PEAK1: variants seen among roughly 807,000 people sequenced by gnomAD.
The protein encoded by PEAK1 is inactive tyrosine-protein kinase PEAK1.
A neutral mutation model predicts 124.7 loss-of-function variants in PEAK1; 54 were observed. The observed-to-expected ratio is 0.43, with a 90% CI of 0.35 to 0.54. The LOEUF is 0.54. PEAK1 is among the 20% of genes least tolerant of loss of function. The probability of loss-of-function intolerance (pLI) is 0.01; values close to 1 mark genes in which losing one functional copy is unlikely to be tolerated. For synonymous variants in PEAK1, 719 were observed against 760.0 expected, an observed-to-expected ratio of 0.95 and a Z score of 0.89; for missense variants, 2,046 against 2,134.5, an observed-to-expected ratio of 0.96 and a Z score of 0.82.
chr15:77,333,404 G>C (rs2066008952), intron 2 of PEAK1: 2 of 977,092 alleles, frequency 2.0e-6, no homozygotes, highest in African/African-American at 3.5e-5. Context: ...TAACTGAGTA[G>C]AAGTCTGGGT....
chr15:77,324,678 G>T (rs754569950), intron 2 of PEAK1, among the ~76,000 whole-genome samples: 2 of 152,214 alleles, frequency 1.3e-5, no homozygotes, highest in African/African-American at 2.4e-5. Flanking sequence ...GAAGGCAAAG[G>T]GGGAGGAGGC....
intron 2 of PEAK1, among the ~76,000 whole-genome samples, chr15:77,310,078 A>G (rs531519661): frequency 6.6e-6 from 1 of 152,282 alleles, no homozygotes; most frequent in East Asian, 1.9e-4. Context: ...AAGGAAGACA[A>G]TCTCTTATGT....
rs533565272 is a variant in PEAK1 at position 77,359,018 on chromosome 15, C to G, written c.-603+6145G>C. Among the ~76,000 whole-genome samples the G allele has an allele frequency of 3.3e-5, 5 of 152,246 alleles. No individual in the cohort carries two copies. In the South Asian group the frequency reaches 1.0e-3, roughly 32 times the overall value. On this transcript the variant is annotated intron_variant, in intron 2 of 9. Transcript: ENST00000682557. The stretch of plus-strand genomic sequence containing the variant: ...AAGCGTTATCTCATATACTTTCTGA[C>G]AAAAACATTCAACAAACTATGACTA...
chr15:77,183,279 T>C (rs2057375814), intron 6 of PEAK1, among the ~76,000 whole-genome samples: 1 of 152,192 alleles, frequency 6.6e-6, no homozygotes, highest in African/African-American at 2.4e-5. Flanking sequence ...TGTGCTACAA[T>C]GGAGAGATGA....
chr15:77,322,198 C>CT (rs1246818192), intron 2 of PEAK1, among the ~76,000 whole-genome samples: 1 of 152,130 alleles, frequency 6.6e-6, no homozygotes, highest in African/African-American at 2.4e-5. Flanking sequence ...AATTGACACT[C>CT]TAACATCACA....
At chr15:77,329,596 A>T (rs923064991) in intron 2 of PEAK1, among the ~76,000 whole-genome samples, 2 of 152,198 alleles carry the variant, frequency 1.3e-5, no homozygotes, top group Non-Finnish European at 2.9e-5. Context: ...CAGAGGAAAA[A>T]AATCATATTT....
intron 1 of PEAK1, among the ~76,000 whole-genome samples, chr15:77,381,986 T>A (rs758787624): frequency 6.6e-6 from 1 of 152,204 alleles, no homozygotes; most frequent in Non-Finnish European, 1.5e-5. Context: ...CTTCATATTT[T>A]CTCTGCCTTT....
At chr15:77,269,977 G>A (rs1032136445) in intron 5 of PEAK1, among the ~76,000 whole-genome samples, 14 of 152,128 alleles carry the variant, frequency 9.2e-5, no homozygotes, top group African/African-American at 2.7e-4. Flanking sequence ...GTAGTTGAGC[G>A]GTTTTGAGTG....
At chr15:77,135,629 G>A (rs534172910) in intron 8 of PEAK1, among the ~76,000 whole-genome samples, 1 of 152,300 alleles carries the variant, frequency 6.6e-6, no homozygotes, top group Non-Finnish European at 1.5e-5. Flanking sequence ...TTGTGGGAGG[G>A]ACCCAGTGGG....
At chr15:77,412,407 AT>A (rs2072486801) in intron 1 of PEAK1, among the ~76,000 whole-genome samples, 1 of 152,190 alleles carries the variant, frequency 6.6e-6, no homozygotes, top group South Asian at 2.1e-4. Flanking sequence ...CCTCATTTCT[AT>A]TAATGACAAC....
intron 6 of PEAK1, among the ~76,000 whole-genome samples, chr15:77,187,287 A>G (rs937119387): frequency 3.3e-5 from 5 of 152,356 alleles, no homozygotes; most frequent in South Asian, 2.1e-4. Context: ...AAGCTATTCA[A>G]GAGTGGCCTA....
At chr15:77,236,429 C>G (rs530584892) in intron 6 of PEAK1, among the ~76,000 whole-genome samples, 1 of 152,308 alleles carries the variant, frequency 6.6e-6, no homozygotes, top group East Asian at 1.9e-4. Context: ...TTGCATGAGG[C>G]CTATAGTCCC....
chr15:77,331,053 T>C (rs561051733), intron 2 of PEAK1: 2 of 844,562 alleles, frequency 2.4e-6, no homozygotes, highest in Non-Finnish European at 2.9e-6. Context: ...TTCCTAATTA[T>C]TGCATAGCAT....
intron 6 of PEAK1, among the ~76,000 whole-genome samples, chr15:77,224,490 T>C (rs982411180): frequency 2.0e-5 from 3 of 152,084 alleles, no homozygotes; most frequent in Admixed American, 6.6e-5. Flanking sequence ...CTCTGACTTA[T>C]CAGATGGTTA....
At chr15:77,243,999 C>A (rs555043762) in intron 6 of PEAK1, among the ~76,000 whole-genome samples, 1 of 151,848 alleles carries the variant, frequency 6.6e-6, no homozygotes, top group Non-Finnish European at 1.5e-5. Context: ...AAAAAGAAAC[C>A]CACAGATGGT....
At chr15:77,404,593 G>A (rs1274226584) in intron 1 of PEAK1, 5 of 875,968 alleles carry the variant, frequency 5.7e-6, no homozygotes, top group East Asian at 2.4e-4. Context: ...CTACATATGT[G>A]GTTTGCACTA....
At chr15:77,255,870 A>G (rs975160117) in intron 5 of PEAK1, among the ~76,000 whole-genome samples, 10 of 152,212 alleles carry the variant, frequency 6.6e-5, no homozygotes, top group Non-Finnish European at 2.9e-5. Flanking sequence ...CAGTATGCTA[A>G]GGCACATCAG....
chr15:77,351,031 A>ATTTGATTCAGC, intron 2 of PEAK1: 2 of 829,616 alleles, frequency 2.4e-6, no homozygotes, highest in Non-Finnish European at 2.9e-6. Flanking sequence ...TACCATGCTG[A>ATTTGATTCAGC]ATCAAATCAG....
At chr15:77,418,984 C>G in intron 1 of PEAK1, 5 of 985,046 alleles carry the variant, frequency 5.1e-6, no homozygotes, top group Non-Finnish European at 6.0e-6. Context: ...TTTAATTCAA[C>G]GTATGATCTT....
Sources: allele counts gnomAD v4.1 joint callset (sites outside exome capture counted in the v4.1 genomes callset), GRCh38; gene constraint gnomAD v4.1.1; transcripts MANE v1.5; gene names NCBI Gene and HGNC (gene_info 2026-07-23, HGNC 2026-07-21).